ROBO2: variants seen among roughly 807,000 people sequenced by gnomAD.
The protein encoded by ROBO2 is roundabout guidance receptor 2.
Under a neutral mutation model 160.8 loss-of-function variants are expected in ROBO2, and 53 were observed. The ratio of observed to expected loss-of-function variants is 0.33; its 90% confidence interval spans 0.26 to 0.41. The LOEUF (loss-of-function observed/expected upper bound fraction) is 0.41, where lower values mean the gene tolerates loss of function less well. Ranked by LOEUF, ROBO2 falls within the 10% of genes least tolerant of loss-of-function variation. ROBO2 has a pLI of 1.00. For missense variants in ROBO2, 1,577 were observed against 1,722.4 expected, an observed-to-expected ratio of 0.92 and a Z score of 1.49; for synonymous variants, 664 against 611.7, an observed-to-expected ratio of 1.09 and a Z score of -1.26.
At chr3:76,132,395 G>GC (rs1491303294) in intron 2 of ROBO2, among the ~76,000 whole-genome samples, 28 of 43,972 alleles carry the variant, frequency 6.4e-4, no homozygotes, top group Non-Finnish European at 8.4e-4. Context: ...CCAGACTGTT[G>GC]GGGGGGGGGG....
At chr3:76,509,804 C>T (rs1429002215) in intron 2 of ROBO2, among the ~76,000 whole-genome samples, 1 of 152,184 alleles carries the variant, frequency 6.6e-6, no homozygotes, top group African/African-American at 2.4e-5. Flanking sequence ...TCAGGTTGAG[C>T]ACCTTTAACC....
chr3:76,958,409 T>C (rs1180407465), intron 2 of ROBO2, among the ~76,000 whole-genome samples: 1 of 152,238 alleles, frequency 6.6e-6, no homozygotes, highest in Non-Finnish European at 1.5e-5. Flanking sequence ...CCTCAGCTCA[T>C]GCTTTGGCAT....
chr3:76,562,988 T>G (rs2084295870), intron 2 of ROBO2, among the ~76,000 whole-genome samples: 1 of 152,072 alleles, frequency 6.6e-6, no homozygotes, highest in Admixed American at 6.6e-5. Context: ...TCTATCTGTT[T>G]ACTTTTCTGT....
chr3:76,396,345 G>T (rs1267742211), intron 2 of ROBO2, among the ~76,000 whole-genome samples: 4 of 152,208 alleles, frequency 2.6e-5, no homozygotes, highest in Non-Finnish European at 5.9e-5. Flanking sequence ...AGCTATCTAT[G>T]ACAAACCCAG....
At chr3:76,378,799 A>G (rs1422158611) in intron 2 of ROBO2, among the ~76,000 whole-genome samples, 1 of 152,172 alleles carries the variant, frequency 6.6e-6, no homozygotes, top group Non-Finnish European at 1.5e-5. Context: ...AAAACTAGAG[A>G]CAGAATATGG....
At chr3:77,418,871 T>C (rs2077475810) in intron 2 of ROBO2, among the ~76,000 whole-genome samples, 1 of 152,140 alleles carries the variant, frequency 6.6e-6, no homozygotes, top group African/African-American at 2.4e-5. Flanking sequence ...CTGCAGATTA[T>C]GAAGGAAGAC....
At chr3:77,431,203 T>C (rs983219853) in intron 2 of ROBO2, among the ~76,000 whole-genome samples, 1 of 152,098 alleles carries the variant, frequency 6.6e-6, no homozygotes, top group Admixed American at 6.5e-5. Flanking sequence ...GTCTGAGAGG[T>C]GATGATACCC....
chr3:75,944,710 A>G (rs1948204406), intron 2 of ROBO2, among the ~76,000 whole-genome samples: 2 of 152,142 alleles, frequency 1.3e-5, no homozygotes, highest in Non-Finnish European at 2.9e-5. Flanking sequence ...CTACTTATCA[A>G]CTTTAGCATT....
chr3:77,558,683 G>T (rs574273970), intron 9 of ROBO2, among the ~76,000 whole-genome samples: 19 of 152,130 alleles, frequency 1.2e-4, no homozygotes, highest in Admixed American at 1.1e-3. Context: ...GGCATTGGTG[G>T]TTTTTTACTG....
At position 77,629,080 on chromosome 3, in the gene ROBO2, G is replaced by A. The variant is rs185864130; in HGVS notation, c.3761-5790G>A. ...ATTGGGAGTTTTAAGGACATACAAG[G>A]AGCATTAAAGGCTGGGAGAAAGGCA... is the stretch of plus-strand genomic sequence containing the variant. On this transcript the variant is annotated intron_variant, in intron 23 of 25. Transcript: ENST00000461745. The A allele has an allele frequency of 2.0e-5, 3 of 152,358 alleles. No individual in the cohort carries two copies. The East Asian group carries it at 5.8e-4, about 29-fold the overall frequency. The allele number at this position is 152,358 out of a possible 1,614,324, so 9.4% of individuals were successfully genotyped here. A position where few individuals can be genotyped will look rare whatever the true frequency, so the allele number is the denominator to read the frequency against.
At chr3:76,670,602 G>A (rs977363628) in intron 2 of ROBO2, among the ~76,000 whole-genome samples, 2 of 151,982 alleles carry the variant, frequency 1.3e-5, no homozygotes, top group Non-Finnish European at 2.9e-5. Context: ...TCTATTACAT[G>A]CTGTAAGGAG....
intron 2 of ROBO2, among the ~76,000 whole-genome samples, chr3:77,269,381 G>A (rs1230817202): frequency 6.6e-6 from 1 of 152,144 alleles, no homozygotes; most frequent in Non-Finnish European, 1.5e-5. Context: ...AATAAACCAT[G>A]CATTCCCAAT....
chr3:76,870,914 TTATC>T, intron 2 of ROBO2, among the ~76,000 whole-genome samples: 1 of 152,276 alleles, frequency 6.6e-6, no homozygotes, highest in Non-Finnish European at 1.5e-5. Context: ...AATTATGAAA[TTATC>T]TAAGGGAATT....
At chr3:77,245,838 G>A (rs543296206) in intron 2 of ROBO2, among the ~76,000 whole-genome samples, 1 of 152,342 alleles carries the variant, frequency 6.6e-6, no homozygotes, top group African/African-American at 2.4e-5. Flanking sequence ...AGATGTCACA[G>A]AATGATGTTG....
intron 2 of ROBO2, among the ~76,000 whole-genome samples, chr3:76,986,871 G>C (rs1372062072): frequency 6.8e-6 from 1 of 147,586 alleles, no homozygotes; most frequent in Non-Finnish European, 1.5e-5. Flanking sequence ...AATATAATAA[G>C]TAAACCCCTA....
intron 2 of ROBO2, among the ~76,000 whole-genome samples, chr3:77,198,631 T>C (rs2082527267): frequency 1.3e-5 from 2 of 152,204 alleles, no homozygotes; most frequent in South Asian, 2.1e-4. Context: ...CCAGGCGCAG[T>C]AGCTCATGCC....
intron 2 of ROBO2, among the ~76,000 whole-genome samples, chr3:76,046,824 G>A (rs1260093769): frequency 6.6e-6 from 1 of 150,402 alleles, no homozygotes; most frequent in Non-Finnish European, 1.5e-5. Flanking sequence ...ATCACGTATG[G>A]TCTTGTTACT....
At chr3:76,398,481 TAAAAG>T (rs943861779) in intron 2 of ROBO2, among the ~76,000 whole-genome samples, 27 of 151,490 alleles carry the variant, frequency 1.8e-4, no homozygotes, top group African/African-American at 4.4e-4. Context: ...ATAATAATAA[TAAAAG>T]AAAAGAAAAA....
At chr3:77,359,509 A>G (rs2069618495) in intron 2 of ROBO2, among the ~76,000 whole-genome samples, 1 of 152,178 alleles carries the variant, frequency 6.6e-6, no homozygotes, top group Non-Finnish European at 1.5e-5. Flanking sequence ...ACTTGCAATC[A>G]TCATTGTGTA....
Sources: allele counts gnomAD v4.1 joint callset (sites outside exome capture counted in the v4.1 genomes callset), GRCh38; gene constraint gnomAD v4.1.1; transcripts MANE v1.5; gene names NCBI Gene and HGNC (gene_info 2026-07-23, HGNC 2026-07-21).